ADHFE1: variants seen among roughly 807,000 people sequenced by gnomAD.
ADHFE1 encodes hydroxyacid-oxoacid transhydrogenase, mitochondrial.
Under a neutral mutation model 54.8 loss-of-function variants are expected in ADHFE1, and 37 were observed. The observed-to-expected ratio is 0.68, with a 90% confidence interval of 0.52 to 0.89. The LOEUF (loss-of-function observed/expected upper bound fraction) is 0.89, where lower values mean the gene tolerates loss of function less well. ADHFE1 is among the 40% of genes least tolerant of loss of function. ADHFE1 has a pLI of 0.00. For missense variants in ADHFE1, 601 were observed against 591.2 expected (o/e 1.02, Z -0.17); for synonymous variants, 203 against 229.3 (o/e 0.89, Z 1.04).
chr8:66,465,587 G>C (rs145655143), intron 13 of ADHFE1, among the ~76,000 whole-genome samples: 1 of 152,046 alleles, frequency 6.6e-6, no homozygotes, highest in African/African-American at 2.4e-5. Context: ...TTTTTTGTTG[G>C]TGAGTTGCAA....
Position 66,460,335 on chromosome 8 carries a change from A to G in ADHFE1, c.1190A>G (p.Gln397Arg), listed in dbSNP as rs1266104375. 2 of 1,614,064 alleles carry G rather than the reference A, an allele frequency of 1.2e-6. No individual in the cohort carries two copies. Among genetic ancestry groups the G allele is most frequent in the Non-Finnish European group, 1.7e-6 (2 of 1,180,026 alleles). The change falls in exon 13 of 14, where the codon CAA becomes CGA. Residue 397 changes from glutamine to arginine, a missense_variant. Gln to Arg is a conservative substitution (Grantham distance 43). Coordinates refer to ENST00000396623, the MANE Select transcript of ADHFE1 (RefSeq NM_144650.3). ...LGADTRTARIQDAGLVLADTL... is the reference protein window; with the variant it reads ...LGADTRTARIRDAGLVLADTL... ...GCCGACACCCGCACTGCCAGGATCCAAGATGCAGGGCTGGTGTTGGCAGAC... is the reference window on the plus strand; with the variant it reads ...GCCGACACCCGCACTGCCAGGATCCGAGATGCAGGGCTGGTGTTGGCAGAC...
chr8:66,448,805 T>C (rs1285789713), intron 7 of ADHFE1, 60 bp from the exon 8 acceptor site: 4 of 1,437,260 alleles, frequency 2.8e-6, no homozygotes, highest in Admixed American at 3.9e-5. Context: ...CCTGAAGTCA[T>C]TTTTCTTCTT....
chr8:66,437,011 G>C (rs1805498207), intron 1 of ADHFE1, among the ~76,000 whole-genome samples: 1 of 152,138 alleles, frequency 6.6e-6, no homozygotes, highest in Non-Finnish European at 1.5e-5. Flanking sequence ...GCATTAGTGA[G>C]CTGGGAAGCT....
chr8:66,464,918 CTA>C (rs1435364149), intron 13 of ADHFE1, among the ~76,000 whole-genome samples: 2 of 152,182 alleles, frequency 1.3e-5, no homozygotes, highest in Non-Finnish European at 2.9e-5. Context: ...CTTTCTGTCT[CTA>C]TGAATTTGCC....
At position 66,454,133 on chromosome 8, in the gene ADHFE1, T is replaced by C. The variant is rs761503980; in HGVS notation, c.962T>C (p.Phe321Ser). The change falls in exon 10 of 14, where the codon TTT becomes TCT. Residue 321 changes from phenylalanine to serine, a missense_variant. Phe to Ser is a radical substitution (Grantham distance 155). Coordinates refer to ENST00000396623, the MANE Select transcript of ADHFE1 (RefSeq NM_144650.3). ...GCAAGTGCTTTTGCTGGCATCGGCTTTGGAAATGCTGGTGTTCATCTGTGG... is the reference window on the plus strand; with the variant it reads ...GCAAGTGCTTTTGCTGGCATCGGCTCTGGAAATGCTGGTGTTCATCTGTGG... The part of the protein sequence containing the change: ...HLASAFAGIG[F>S]GNAGVHLCHG... The C allele has an allele frequency of 1.2e-6, 2 of 1,614,178 alleles. No individual in the cohort carries two copies. The highest frequency in any genetic ancestry group is 1.7e-6 in the Non-Finnish European group (2 of 1,180,010).
At chr8:66,442,194 AT>A (rs1563487638) in intron 2 of ADHFE1, among the ~76,000 whole-genome samples, 3 of 151,864 alleles carry the variant, frequency 2.0e-5, no homozygotes, top group South Asian at 2.1e-4. Flanking sequence ...AAACCAGGGG[AT>A]TTTTTTCCTA....
Position 66,460,564 on chromosome 8 carries a change from G to T in ADHFE1, c.1320+99G>T. 11 of 1,438,862 alleles carry T rather than the reference G, an allele frequency of 7.6e-6. No individual in the cohort carries two copies. The South Asian group carries it at 1.5e-4, about 20-fold the overall frequency. 89.1% of individuals were successfully genotyped at this position (1,438,862 alleles called of 1,614,324 possible). ...CGGGCTAGCAGGGATGGAAACCAGG[G>T]CTCCCCGGTGGTTCTCGGGTCTCCT... On this transcript the variant is annotated intron_variant, in intron 13 of 13. Transcript: ENST00000396623.
At chr8:66,441,966 C>T (rs1226624747) in intron 2 of ADHFE1, among the ~76,000 whole-genome samples, 2 of 147,836 alleles carry the variant, frequency 1.4e-5, no homozygotes, top group Non-Finnish European at 3.0e-5. Flanking sequence ...AGCAAAACTC[C>T]ATCTCAAAAA....
intron 13 of ADHFE1, among the ~76,000 whole-genome samples, chr8:66,466,504 G>A (rs2719002): frequency 0.56 from 85,393 of 151,350 alleles, 25,094 homozygotes; most frequent in African/African-American, 0.72. Flanking sequence ...CATTTTGAGC[G>A]AATTTTTTTA....
intron 8 of ADHFE1, 100 bp from the exon 9 acceptor site, chr8:66,451,852 TG>T: frequency 7.1e-7 from 1 of 1,409,908 alleles, no homozygotes; most frequent in Non-Finnish European, 9.7e-7. Flanking sequence ...ATATCCACTG[TG>T]GGTTGAGTGC....
At chr8:66,457,988 T>C (rs1480642120) in intron 12 of ADHFE1, among the ~76,000 whole-genome samples, 1 of 152,180 alleles carries the variant, frequency 6.6e-6, no homozygotes, top group Non-Finnish European at 1.5e-5. Flanking sequence ...TTTATAAAAA[T>C]ATCCTGAAAG....
intron 13 of ADHFE1, among the ~76,000 whole-genome samples, chr8:66,464,203 C>T (rs1425628860): frequency 1.3e-5 from 2 of 152,142 alleles, no homozygotes; most frequent in Admixed American, 6.5e-5. Context: ...CACATCATTG[C>T]TTAACATATC....
intron 9 of ADHFE1, chr8:66,453,800 G>A: frequency 6.9e-7 from 1 of 1,440,910 alleles, no homozygotes; most frequent in Non-Finnish European, 9.3e-7. Context: ...CCAGCGCGTT[G>A]CCTCCCCCGG....
At chr8:66,466,829 G>T (rs1405717434) in intron 13 of ADHFE1, among the ~76,000 whole-genome samples, 2 of 152,176 alleles carry the variant, frequency 1.3e-5, no homozygotes, top group Non-Finnish European at 2.9e-5. Flanking sequence ...AGGCAGAGGG[G>T]AAGGGCCCTG....
rs779983290 is a variant in ADHFE1 at position 66,447,314 on chromosome 8, G to T, written c.601G>T (p.Asp201Tyr). The T allele has an allele frequency of 5.6e-6, 9 of 1,613,370 alleles. No homozygotes were observed. Among genetic ancestry groups the T allele is most frequent in the Admixed American group, 5.0e-5 (3 of 59,968 alleles). Residue 201 changes from aspartate to tyrosine, a missense_variant, in exon 7 of 14, where the codon GAC becomes TAC. Coordinates refer to ENST00000396623, the MANE Select transcript of ADHFE1 (RefSeq NM_144650.3). ...TGAAACTACTGGGGTTGCCATTTTT[G>T]ACTATGAACACTTGAAAGTAAAAAT... ...GSETTGVAIF[D>Y]YEHLKVKIGI...
chr8:66,454,252 T>C, intron 10 of ADHFE1, 95 bp downstream of exon 10: 4 of 1,242,042 alleles, frequency 3.2e-6, no homozygotes, highest in Non-Finnish European at 3.4e-6. Context: ...AATTTAAATA[T>C]GCTATAGAAG....
chr8:66,467,481 G>A (rs191831240), intron 13 of ADHFE1, among the ~76,000 whole-genome samples: 2 of 152,218 alleles, frequency 1.3e-5, no homozygotes, highest in East Asian at 1.9e-4. Context: ...AGGGCAGAGA[G>A]CAGTGCACAC....
At chr8:66,458,264 C>T (rs1356784848) in intron 12 of ADHFE1, among the ~76,000 whole-genome samples, 1 of 152,168 alleles carries the variant, frequency 6.6e-6, no homozygotes, top group Non-Finnish European at 1.5e-5. Flanking sequence ...CTAGCCCAGC[C>T]GTTGGAGAGA....
intron 6 of ADHFE1, among the ~76,000 whole-genome samples, chr8:66,446,535 C>A (rs950876526): frequency 3.3e-5 from 5 of 152,200 alleles, no homozygotes; most frequent in African/African-American, 1.2e-4. Context: ...AACATACATA[C>A]ATGTTAACAA....
Sources: allele counts gnomAD v4.1 joint callset (sites outside exome capture counted in the v4.1 genomes callset), GRCh38; gene constraint gnomAD v4.1.1; transcripts MANE v1.5; gene names NCBI Gene and HGNC (gene_info 2026-07-23, HGNC 2026-07-21).